Variants in MDGA2 observed in about 807,000 individuals in gnomAD.
MDGA2 encodes MAM domain-containing glycosylphosphatidylinositol anchor protein 2.
Under a neutral mutation model 117.8 loss-of-function variants are expected in MDGA2, and 40 were observed. That is an observed-to-expected ratio of 0.34 (90% CI 0.26 to 0.44). MDGA2 has a LOEUF of 0.44. Ranked by LOEUF, MDGA2 falls within the 20% of genes least tolerant of loss-of-function variation. The pLI is 1.00. For missense variants in MDGA2, 1,123 were observed against 1,250.6 expected (o/e 0.90, Z 1.54); for synonymous variants, 452 against 439.0 (o/e 1.03, Z -0.37).
chr14:47,412,559 G>T (rs1183360833), intron 1 of MDGA2, among the ~76,000 whole-genome samples: 1 of 152,202 alleles, frequency 6.6e-6, no homozygotes, highest in Non-Finnish European at 1.5e-5. Flanking sequence ...TGGGATTACA[G>T]GCATGAGCTA....
chr14:47,036,693 C>T (rs1888867701), intron 7 of MDGA2, among the ~76,000 whole-genome samples: 1 of 152,196 alleles, frequency 6.6e-6, no homozygotes, highest in Non-Finnish European at 1.5e-5. Flanking sequence ...ACTCTTCCTT[C>T]TAGTTTGATT....
At chr14:46,982,705 C>CAAAAAAAA (rs59530070) in intron 8 of MDGA2, among the ~76,000 whole-genome samples, 10 of 45,938 alleles carry the variant, frequency 2.2e-4, no homozygotes, top group African/African-American at 8.5e-4. Flanking sequence ...GAGACTCCAT[C>CAAAAAAAA]AAAAAAAAAA....
intron 3 of MDGA2, among the ~76,000 whole-genome samples, chr14:47,153,854 T>A (rs1883261222): frequency 6.6e-6 from 1 of 151,924 alleles, no homozygotes; most frequent in South Asian, 2.1e-4. Flanking sequence ...GAGAGCAGAA[T>A]AAGTGGTGAA....
chr14:47,064,187 C>T (rs75673010), intron 6 of MDGA2, among the ~76,000 whole-genome samples: 1,587 of 151,942 alleles, frequency 0.01, 31 homozygotes, highest in African/African-American at 0.037. Flanking sequence ...ATCAAGCATG[C>T]TTTTAAGAGT....
chr14:47,309,590 T>G (rs537220003), intron 1 of MDGA2, among the ~76,000 whole-genome samples: 5 of 151,998 alleles, frequency 3.3e-5, no homozygotes, highest in African/African-American at 1.2e-4. Context: ...AAGCCCAAAG[T>G]AAGGCAATTA....
chr14:47,520,982 A>G (rs562809137), intron 1 of MDGA2, among the ~76,000 whole-genome samples: 2 of 152,328 alleles, frequency 1.3e-5, no homozygotes, highest in Admixed American at 6.5e-5. Flanking sequence ...TTCTTTTCTA[A>G]TGCTTATTGA....
chr14:47,069,904 C>A (rs1442051751), intron 6 of MDGA2, among the ~76,000 whole-genome samples: 2 of 152,138 alleles, frequency 1.3e-5, no homozygotes, highest in African/African-American at 4.8e-5. Context: ...TGTAAATTAT[C>A]TTAATTGCCT....
intron 4 of MDGA2, among the ~76,000 whole-genome samples, chr14:47,134,987 T>A (rs993462532): frequency 6.6e-5 from 10 of 152,110 alleles, no homozygotes; most frequent in Non-Finnish European, 1.2e-4. Flanking sequence ...TTATACTCTG[T>A]CAGTCCTTGT....
At chr14:47,567,111 G>A (rs1227573538) in intron 1 of MDGA2, among the ~76,000 whole-genome samples, 2 of 151,548 alleles carry the variant, frequency 1.3e-5, no homozygotes, top group Non-Finnish European at 2.9e-5. Flanking sequence ...TCACTATATT[G>A]CCCAGGTTGG....
chr14:47,482,209 G>A (rs1299758946), intron 1 of MDGA2, among the ~76,000 whole-genome samples: 7 of 151,908 alleles, frequency 4.6e-5, no homozygotes, highest in African/African-American at 1.4e-4. Context: ...TCCCAGGTGT[G>A]GGAGAAAATT....
At chr14:47,295,522 T>C (rs550529896) in intron 2 of MDGA2, among the ~76,000 whole-genome samples, 3 of 141,752 alleles carry the variant, frequency 2.1e-5, no homozygotes, top group East Asian at 1.9e-4. Flanking sequence ...TATTTTCTAA[T>C]TCATAGGGTA....
In MDGA2 at chr14:47,513,426, A is replaced by G. The variant is rs534234835; in HGVS notation, c.280+161091T>C. 1.3e-3 allele frequency among the ~76,000 whole-genome samples: 191 copies of G among 152,212 alleles called. 1 individual carries two copies. Among genetic ancestry groups the G allele is most frequent in the African/African-American group, 4.3e-3 (180 of 41,566 alleles). The stretch of plus-strand genomic sequence containing the variant: ...GATCTCCTGATGTGGAAAATGTTGA[A>G]TCATTTAATTCTTTCCCACGAGTAT... On this transcript the variant is annotated intron_variant, in intron 1 of 16. Coordinates refer to ENST00000399232, the MANE Select transcript of MDGA2 (RefSeq NM_001113498.3).
At chr14:47,272,599 T>C (rs893007761) in intron 2 of MDGA2, among the ~76,000 whole-genome samples, 2 of 152,116 alleles carry the variant, frequency 1.3e-5, no homozygotes, top group Non-Finnish European at 2.9e-5. Context: ...CTCCACTTTT[T>C]CCCTAGTACT....
intron 1 of MDGA2, among the ~76,000 whole-genome samples, chr14:47,440,213 T>C (rs1202874777): frequency 6.6e-6 from 1 of 152,120 alleles, no homozygotes; most frequent in African/African-American, 2.4e-5. Context: ...TGCTGCAGCC[T>C]GCTTTGCCTG....
intron 7 of MDGA2, among the ~76,000 whole-genome samples, chr14:47,055,226 C>G (rs1889633151): frequency 6.6e-6 from 1 of 151,948 alleles, no homozygotes; most frequent in Non-Finnish European, 1.5e-5. Flanking sequence ...TTTATTTCTC[C>G]ACCATCATTT....
At chr14:47,655,621 G>A (rs1450810957) in intron 1 of MDGA2, among the ~76,000 whole-genome samples, 1 of 152,028 alleles carries the variant, frequency 6.6e-6, no homozygotes, top group Non-Finnish European at 1.5e-5. Flanking sequence ...CAAAGAGAAA[G>A]ACAAATTGAT....
At chr14:47,035,451 T>C (rs1443691852) in intron 7 of MDGA2, 147 bp from the exon 8 acceptor site, 1 of 633,550 alleles carries the variant, frequency 1.6e-6, no homozygotes, top group South Asian at 2.1e-5. Context: ...AAATGGAATA[T>C]ACTCTCACTG....
At chr14:46,982,082 C>T (rs1324024371) in intron 8 of MDGA2, among the ~76,000 whole-genome samples, 1 of 152,188 alleles carries the variant, frequency 6.6e-6, no homozygotes, top group Admixed American at 6.5e-5. Flanking sequence ...ATTAAATACT[C>T]TTTCAGACAT....
At chr14:47,095,036 T>G (rs1486669399) in intron 6 of MDGA2, among the ~76,000 whole-genome samples, 1 of 152,026 alleles carries the variant, frequency 6.6e-6, no homozygotes, top group Non-Finnish European at 1.5e-5. Context: ...CATAAAGAAC[T>G]GTAACTCCTT....
Sources: gnomAD v4.1 joint callset for allele counts (sites outside exome capture counted in the v4.1 genomes callset) on GRCh38, gnomAD v4.1.1 for gene constraint, MANE v1.5 for transcripts, NCBI Gene and HGNC (gene_info 2026-07-23, HGNC 2026-07-21) for gene names.